ZNF100: variants seen among roughly 807,000 people sequenced by gnomAD.
The protein encoded by ZNF100 is zinc finger protein 100 (Y1).
In ZNF100, 12 loss-of-function variants were observed where a neutral mutation model predicts 15.8. The observed-to-expected ratio is 0.76, with a 90% confidence interval of 0.49 to 1.23. The LOEUF (loss-of-function observed/expected upper bound fraction) is 1.23, where lower values mean the gene tolerates loss of function less well. Among genes scored for constraint, ZNF100 ranks in the 50% most tolerant of loss-of-function variants. The probability of loss-of-function intolerance (pLI) is 0.00; values close to 1 mark genes in which losing one functional copy is unlikely to be tolerated. For synonymous variants in ZNF100, 226 were observed against 214.8 expected (o/e 1.05, Z -0.45); for missense variants, 670 against 635.6 (o/e 1.05, Z -0.58).
intron 2 of ZNF100, among the ~76,000 whole-genome samples, chr19:21,745,870 C>T (rs1411679535): frequency 2.0e-5 from 3 of 152,156 alleles, no homozygotes; most frequent in South Asian, 2.1e-4. Flanking sequence ...AAGTTTTTGG[C>T]CCCAAAAGAA....
intron 4 of ZNF100, among the ~76,000 whole-genome samples, chr19:21,733,438 G>C (rs1274041156): frequency 1.3e-5 from 2 of 152,102 alleles, no homozygotes; most frequent in Admixed American, 6.5e-5. Flanking sequence ...TATATTTCAA[G>C]ATGATTACAT....
chr19:21,751,598 T>C, intron 2 of ZNF100: 7 of 1,537,676 alleles, frequency 4.6e-6, no homozygotes, highest in Non-Finnish European at 6.3e-6. Context: ...TCAGGCTGTA[T>C]GGAATGTGGA....
At chr19:21,754,067 C>T (rs1196130530) in intron 2 of ZNF100, among the ~76,000 whole-genome samples, 4 of 152,112 alleles carry the variant, frequency 2.6e-5, no homozygotes, top group Non-Finnish European at 4.4e-5. Context: ...CCTACTTACT[C>T]AAATCTAATC....
intron 2 of ZNF100, among the ~76,000 whole-genome samples, chr19:21,754,112 G>T: frequency 6.6e-6 from 1 of 151,854 alleles, no homozygotes. Flanking sequence ...GCATTCCTGG[G>T]CCAGGAATAC....
chr19:21,754,753 A>G lies in ZNF100; in HGVS notation c.97-9686T>C, dbSNP rs1599402019. ...AAGGCATGGGAAAGACTTCATGACAAAAACACCAAAAGGAATCGCAACAAA... is the reference window on the plus strand; with the variant it reads ...AAGGCATGGGAAAGACTTCATGACAGAAACACCAAAAGGAATCGCAACAAA... On this transcript the variant is annotated intron_variant, in intron 2 of 4. Transcript: ENST00000358296. 2.0e-5 allele frequency among the ~76,000 whole-genome samples: 3 copies of G among 152,334 alleles called. No homozygotes were observed. In the East Asian group the frequency reaches 5.8e-4, roughly 29 times the overall value.
chr19:21,734,555 T>C (rs2035975998), intron 4 of ZNF100, among the ~76,000 whole-genome samples: 1 of 152,230 alleles, frequency 6.6e-6, no homozygotes, highest in East Asian at 1.9e-4. Flanking sequence ...ACTATTGGAT[T>C]ATGTAAACAG....
chr19:21,751,384 G>GT, intron 2 of ZNF100: 1 of 825,876 alleles, frequency 1.2e-6, no homozygotes, highest in South Asian at 1.3e-5. Flanking sequence ...CACAGGAATA[G>GT]TTTAAGCATG....
At chr19:21,738,199 C>T (rs1350963981) in intron 4 of ZNF100, among the ~76,000 whole-genome samples, 1 of 116,270 alleles carries the variant, frequency 8.6e-6, no homozygotes, top group East Asian at 2.9e-4. Context: ...TGCAATGAGC[C>T]GAGATGGTGC....
Position 21,724,924 on chromosome 19 carries a change from G to A in ZNF100, c.*1759C>T, listed in dbSNP as rs1219939394. ...AAATTAGCTGGGCATGGTGGTGGGT[G>A]CCTGTAATCCCAGCTACTTAGGAGG... On this transcript the variant is annotated 3_prime_UTR_variant, in exon 5 of 5. Transcript: ENST00000358296. The A allele has an allele frequency of 6.6e-6, 1 of 152,050 alleles. No individual in the cohort carries two copies. The highest frequency in any genetic ancestry group is 1.5e-5 in the Non-Finnish European group (1 of 68,020). 9.4% of individuals were successfully genotyped at this position (152,050 alleles called of 1,614,324 possible). A position where few individuals can be genotyped will look rare whatever the true frequency, so the allele number is the denominator to read the frequency against.
chr19:21,741,381 ATTATTT>A lies in ZNF100; in HGVS notation c.322+2630_322+2635del, dbSNP rs906049547. ...TGGCTAAAATGCAATTATTATTATT[ATTATTT>A]TTTTTGAGACGGTGTTTTGCTCTTG... On this transcript the variant is annotated intron_variant, in intron 4 of 4. Coordinates refer to ENST00000358296, the MANE Select transcript of ZNF100 (RefSeq NM_173531.4). 2.0e-4 allele frequency among the ~76,000 whole-genome samples: 31 copies of A among 151,510 alleles called. 1 individual carries two copies. The South Asian group carries it at 6.1e-3, about 30-fold the overall frequency.
chr19:21,750,907 C>T (rs2036295136), intron 2 of ZNF100: 4 of 597,644 alleles, frequency 6.7e-6, no homozygotes, highest in African/African-American at 5.6e-5. Context: ...TGGGCCGGTG[C>T]GTGGTGCCAG....
At chr19:21,766,809 A>C (rs1457768719) in intron 1 of ZNF100, among the ~76,000 whole-genome samples, 1 of 151,982 alleles carries the variant, frequency 6.6e-6, no homozygotes, top group African/African-American at 2.4e-5. Context: ...CTGGCCAACG[A>C]GGTGAAACCC....
At chr19:21,737,328 G>A (rs1456827870) in intron 4 of ZNF100, among the ~76,000 whole-genome samples, 1 of 151,566 alleles carries the variant, frequency 6.6e-6, no homozygotes, top group Non-Finnish European at 1.5e-5. Context: ...GACTTCTAGA[G>A]CAGCCTGGCC....
At chr19:21,742,127 C>G (rs544446208) in intron 4 of ZNF100, among the ~76,000 whole-genome samples, 1 of 152,144 alleles carries the variant, frequency 6.6e-6, no homozygotes, top group South Asian at 2.1e-4. Context: ...GAAACTCTGT[C>G]TCTTCTAACA....
Position 21,727,174 on chromosome 19 carries a change from T to C in ZNF100, c.1138A>G (p.Lys380Glu). ...AGGTATGAGAATCGGTAAAAAGCTT[T>C]GCCACATTCTTCACATTTGTAAGGT... ...EKPYKCEECG[K>E]AFYRFSYLTK... The change falls in exon 5 of 5, where the codon AAA becomes GAA. Residue 380 changes from lysine to glutamate, a missense_variant. By Grantham distance (56) the Lys-to-Glu change is moderately conservative. Transcript: ENST00000358296. The C allele has an allele frequency of 6.2e-7, 1 of 1,612,318 alleles. No homozygotes were observed.
rs2035704597 is a variant in ZNF100, at chr19:21,722,821, AAAAT to A, written c.*3858_*3861del. On this transcript the variant is annotated 3_prime_UTR_variant, in exon 5 of 5. Transcript: ENST00000358296. ...TTAATAAAAGTATGTTACATAATAA[AAAAT>A]AAATTTAAAATTGTTCACTTACCAT... 1 of 151,394 alleles carries A rather than the reference AAAAT, an allele frequency of 6.6e-6. No individual in the cohort carries two copies. Among genetic ancestry groups the A allele is most frequent in the Non-Finnish European group, 1.5e-5 (1 of 67,872 alleles). 9.4% of individuals were successfully genotyped at this position (151,394 alleles called of 1,614,324 possible).
rs1172954352 is a variant in ZNF100, at chr19:21,722,968, G to T, written c.*3715C>A. On this transcript the variant is annotated 3_prime_UTR_variant, in exon 5 of 5. Coordinates refer to ENST00000358296, the MANE Select transcript of ZNF100 (RefSeq NM_173531.4). ...ATTCTGATTTAATCTTCTCACCTGT[G>T]GACAATGTATGCTTTTATCTTAACT... 2 of 151,350 alleles carry T rather than the reference G, an allele frequency of 1.3e-5. No homozygotes were observed. The highest frequency in any genetic ancestry group is 2.9e-5 in the Non-Finnish European group (2 of 67,884). The allele number at this position is 151,350 out of a possible 1,614,324, so 9.4% of individuals were successfully genotyped here.
At chr19:21,757,986 A>ACAACT (rs772557212) in intron 2 of ZNF100, among the ~76,000 whole-genome samples, 5 of 152,172 alleles carry the variant, frequency 3.3e-5, no homozygotes, top group Non-Finnish European at 1.5e-5. Flanking sequence ...GAAGTGAGCC[A>ACAACT]CAACTGTACT....
At chr19:21,752,346 G>C (rs185900426) in intron 2 of ZNF100, 17 of 152,692 alleles carry the variant, frequency 1.1e-4, no homozygotes, top group Admixed American at 1.1e-3. Flanking sequence ...AATCAATGCA[G>C]TATTGCCCTT....
Sources: allele counts gnomAD v4.1 joint callset (sites outside exome capture counted in the v4.1 genomes callset), GRCh38; gene constraint gnomAD v4.1.1; transcripts MANE v1.5; gene names NCBI Gene and HGNC (gene_info 2026-07-23, HGNC 2026-07-21).